FBXO22: variants seen among roughly 807,000 people sequenced by gnomAD.
FBXO22 encodes F-box only protein 22.
In FBXO22, 13 loss-of-function variants were observed where a neutral mutation model predicts 37.2. The ratio of observed to expected loss-of-function variants is 0.35; its 90% CI spans 0.23 to 0.56. FBXO22 has a LOEUF of 0.56. FBXO22 is among the 20% of genes least tolerant of loss of function. The probability of loss-of-function intolerance (pLI) is 0.87; values close to 1 mark genes in which losing one functional copy is unlikely to be tolerated. For synonymous variants in FBXO22, 189 were observed against 189.1 expected, an observed-to-expected ratio of 1.00 and a Z score of 0.00; for missense variants, 446 against 509.9, an observed-to-expected ratio of 0.87 and a Z score of 1.21.
In FBXO22 at chr15:75,940,937, A is replaced by T. The variant is rs1266281096; in HGVS notation, c.*7835A>T. 1 of 152,182 alleles carries T rather than the reference A, an allele frequency of 6.6e-6. No homozygotes were observed. The highest frequency in any genetic ancestry group is 1.9e-4 in the East Asian group (1 of 5,194). 9.4% of individuals were successfully genotyped at this position (152,182 alleles called of 1,614,324 possible). On this transcript the variant is annotated 3_prime_UTR_variant, in exon 7 of 7. Coordinates refer to ENST00000308275, the MANE Select transcript of FBXO22 (RefSeq NM_147188.3). ...ATTCACAGACAACGAAAGAAAAAATAGGCAAATTATACTTCATTAAAATTT... is the reference window on the plus strand; with the variant it reads ...ATTCACAGACAACGAAAGAAAAAATTGGCAAATTATACTTCATTAAAATTT...
rs1900422051 is a variant in FBXO22 at position 75,925,639 on chromosome 15, GC to G, written c.629-4242del. Among the ~76,000 whole-genome samples, 3 of 146,102 alleles carry G rather than the reference GC, an allele frequency of 2.1e-5. No homozygotes were observed. The South Asian group carries it at 7.0e-4, about 34-fold the overall frequency. On this transcript the variant is annotated intron_variant, in intron 5 of 6. Transcript: ENST00000308275. ...CTTGTTCTGCCTTCGAAGTTGCCCA[GC>G]CCTTGAGAAAGCAGAAGTGACAGGA...
At chr15:75,904,184 G>C in intron 1 of FBXO22, 81 bp downstream of exon 1, 1 of 1,440,988 alleles carries the variant, frequency 6.9e-7, no homozygotes. Flanking sequence ...TGGGGGGAGA[G>C]ACCCTTGGGA....
chr15:75,932,281 G>A lies in FBXO22; in HGVS notation c.795-404G>A, dbSNP rs182859526. 9.5e-4 allele frequency among the ~76,000 whole-genome samples: 137 copies of A among 144,458 alleles called. 3 individuals are homozygous for A. In the East Asian group the frequency reaches 0.023, roughly 24 times the overall value. 94.8% of individuals were successfully genotyped at this position (144,458 alleles called of 152,430 possible). A position where few individuals can be genotyped will look rare whatever the true frequency, so the allele number is the denominator to read the frequency against. ...CTTTCAGAATTTGACAGCTGAAGTC[G>A]GGGGGAAGAGATGTTAATGTAAACA... On this transcript the variant is annotated intron_variant, in intron 6 of 6. Transcript: ENST00000308275.
intron 5 of FBXO22, among the ~76,000 whole-genome samples, chr15:75,925,786 C>T (rs60817295): frequency 0.036 from 5,416 of 151,806 alleles, 166 homozygotes; most frequent in African/African-American, 0.081. Context: ...TCAGGCTCAA[C>T]TCCAAATGCA....
At position 75,903,903 on chromosome 15, in the gene FBXO22, T is replaced by C. The variant is rs775722788; in HGVS notation, c.-61T>C. The stretch of plus-strand genomic sequence containing the variant: ...AGTGCGCGCCGGCCGGGCAACCCTA[T>C]GCTGGCGTAATCGGGTTCCTCCGAG... On this transcript the variant is annotated 5_prime_UTR_variant, in exon 1 of 7. An upstream start codon of the reference 5' UTR is lost. Coordinates refer to ENST00000308275, the MANE Select transcript of FBXO22 (RefSeq NM_147188.3). 6.5e-5 allele frequency: 94 copies of C among 1,436,098 alleles called. No individual in the cohort carries two copies. The highest frequency in any genetic ancestry group is 8.4e-5 in the Non-Finnish European group (92 of 1,091,184). The allele number at this position is 1,436,098 out of a possible 1,614,324, so 89.0% of individuals were successfully genotyped here.
At chr15:75,907,547 G>A (rs2141701965) in intron 2 of FBXO22, among the ~76,000 whole-genome samples, 1 of 152,060 alleles carries the variant, frequency 6.6e-6, no homozygotes, top group African/African-American at 2.4e-5. Flanking sequence ...TTATCTAGTG[G>A]ACATGGGTAC....
rs976353359 is a variant in FBXO22, at chr15:75,922,286, G to A, written c.628+4892G>A. On this transcript the variant is annotated intron_variant, in intron 5 of 6. Transcript: ENST00000308275. Reference sequence around the variant, plus strand: ...ATATGCTTACTGTGCGTGTCACCACGCCTGGCTGTCCTTGACCAAAGTGTT... The same window carrying A: ...ATATGCTTACTGTGCGTGTCACCACACCTGGCTGTCCTTGACCAAAGTGTT... Among the ~76,000 whole-genome samples, 3 of 152,194 alleles carry A rather than the reference G, an allele frequency of 2.0e-5. 1 individual carries two copies. The highest frequency in any genetic ancestry group is 2.9e-5 in the Non-Finnish European group (2 of 68,036).
chr15:75,907,440 C>T (rs1899954502), intron 2 of FBXO22, among the ~76,000 whole-genome samples: 1 of 151,936 alleles, frequency 6.6e-6, no homozygotes. Flanking sequence ...ATAGTAATGC[C>T]CTTAGAGGAG....
rs1409984561 is a variant in FBXO22, at chr15:75,939,612, C to T, written c.*6510C>T. On this transcript the variant is annotated 3_prime_UTR_variant, in exon 7 of 7. Coordinates refer to ENST00000308275, the MANE Select transcript of FBXO22 (RefSeq NM_147188.3). ...AAGAAAAGATTACAGACCAGTTATT[C>T]CTTATGATCGCTGATTCAACAATTG... 3 of 152,116 alleles carry T rather than the reference C, an allele frequency of 2.0e-5. No homozygotes were observed. Among genetic ancestry groups the T allele is most frequent in the Admixed American group, 2.0e-4 (3 of 15,276 alleles). 9.4% of individuals were successfully genotyped at this position (152,116 alleles called of 1,614,324 possible). A position where few individuals can be genotyped will look rare whatever the true frequency, so the allele number is the denominator to read the frequency against.
intron 6 of FBXO22, 80 bp downstream of exon 6, chr15:75,930,129 T>G (rs1424131895): frequency 5.0e-6 from 8 of 1,600,072 alleles, no homozygotes; most frequent in Non-Finnish European, 6.8e-6. Flanking sequence ...GTTAACAATT[T>G]AAAAAACGTG....
At chr15:75,918,377 G>A (rs1357127308) in intron 5 of FBXO22, among the ~76,000 whole-genome samples, 1 of 151,782 alleles carries the variant, frequency 6.6e-6, no homozygotes, top group Non-Finnish European at 1.5e-5. Flanking sequence ...CACAGAACAA[G>A]AGGCATTAGC....
chr15:75,921,649 ACT>A (rs1900327051), intron 5 of FBXO22, among the ~76,000 whole-genome samples: 1 of 152,082 alleles, frequency 6.6e-6, no homozygotes, highest in South Asian at 2.1e-4. Flanking sequence ...CGACAGCGAG[ACT>A]CTATCTCAAA....
In FBXO22 at chr15:75,904,650, T is replaced by C. The variant is rs114362346; in HGVS notation, c.279+21T>C. On this transcript the variant is annotated intron_variant, in intron 2 of 6. Coordinates refer to ENST00000308275, the MANE Select transcript of FBXO22 (RefSeq NM_147188.3). Reference sequence around the variant, plus strand: ...TTGAGGCAAGTAGCAAGGGGTGTCATGCACAGTCATTTGCAGGTTGGTGGT... The same window carrying C: ...TTGAGGCAAGTAGCAAGGGGTGTCACGCACAGTCATTTGCAGGTTGGTGGT... 4,182 of 1,572,270 alleles carry C rather than the reference T, an allele frequency of 2.7e-3. 91 individuals are homozygous for C. In the African/African-American group the frequency reaches 0.048, roughly 18 times the overall value.
At chr15:75,910,566 C>T (rs905147035) in intron 2 of FBXO22, 1 of 152,196 alleles carries the variant, frequency 6.6e-6, no homozygotes, top group Non-Finnish European at 1.5e-5. Context: ...TAAATGTCTT[C>T]TTTTGAGAAG....
rs1157672014 is a variant in FBXO22, at chr15:75,934,692, T to C, written c.*1590T>C. On this transcript the variant is annotated 3_prime_UTR_variant, in exon 7 of 7. Transcript: ENST00000308275. ...TCAAAACTTTTCATCTATGAATATT[T>C]ATATTTAGCTCTTGCTATTTAGCTA... is the stretch of plus-strand genomic sequence containing the variant. 2 of 152,242 alleles carry C rather than the reference T, an allele frequency of 1.3e-5. No homozygotes were observed. Among genetic ancestry groups the C allele is most frequent in the Non-Finnish European group, 2.9e-5 (2 of 68,040 alleles). The allele number at this position is 152,242 out of a possible 1,614,324, so 9.4% of individuals were successfully genotyped here. A position where few individuals can be genotyped will look rare whatever the true frequency, so the allele number is the denominator to read the frequency against.
rs1454696454 is a variant in FBXO22, at chr15:75,937,254, A to AT, written c.*4152_*4153insT. 1 of 151,488 alleles carries AT rather than the reference A, an allele frequency of 6.6e-6. No homozygotes were observed. Among genetic ancestry groups the AT allele is most frequent in the Non-Finnish European group, 1.5e-5 (1 of 67,898 alleles). 9.4% of individuals were successfully genotyped at this position (151,488 alleles called of 1,614,324 possible). Reference sequence around the variant, plus strand: ...GCCGGGCGTGGTGGCTCACGCCTGTAATTCCAGCACTTTGGGAGGCCGAGA... The same window carrying AT: ...GCCGGGCGTGGTGGCTCACGCCTGTATATTCCAGCACTTTGGGAGGCCGAGA... On this transcript the variant is annotated 3_prime_UTR_variant, in exon 7 of 7. Coordinates refer to ENST00000308275, the MANE Select transcript of FBXO22 (RefSeq NM_147188.3).
In FBXO22 at chr15:75,942,451, CTA is replaced by C. The variant is rs2031094085; in HGVS notation, c.*9352_*9353del. 1 of 152,274 alleles carries C rather than the reference CTA, an allele frequency of 6.6e-6. No individual in the cohort carries two copies. The highest frequency in any genetic ancestry group is 2.4e-5 in the African/African-American group (1 of 41,552). The allele number at this position is 152,274 out of a possible 1,614,324, so 9.4% of individuals were successfully genotyped here. Reference sequence around the variant, plus strand: ...GGGTGGGGGGAAGCATAGGGGAACTCTATACTATCTGCTCAGTTTTTCTGAAA... The same window carrying C: ...GGGTGGGGGGAAGCATAGGGGAACTCTACTATCTGCTCAGTTTTTCTGAAA... On this transcript the variant is annotated 3_prime_UTR_variant, in exon 7 of 7. Coordinates refer to ENST00000308275, the MANE Select transcript of FBXO22 (RefSeq NM_147188.3).
At chr15:75,918,170 A>G (rs183717316) in intron 5 of FBXO22, among the ~76,000 whole-genome samples, 7 of 152,356 alleles carry the variant, frequency 4.6e-5, no homozygotes, top group African/African-American at 7.2e-5. Flanking sequence ...CAGCCAGCCT[A>G]TAGAGATAAA....
At chr15:75,926,329 T>C (rs2141720425) in intron 5 of FBXO22, among the ~76,000 whole-genome samples, 1 of 152,264 alleles carries the variant, frequency 6.6e-6, no homozygotes, top group South Asian at 2.1e-4. Context: ...GAATTTTGAG[T>C]GTCAAGGAGT....
Sources: allele counts gnomAD v4.1 joint callset (sites outside exome capture counted in the v4.1 genomes callset), GRCh38; gene constraint gnomAD v4.1.1; transcripts MANE v1.5; gene names NCBI Gene and HGNC (gene_info 2026-07-23, HGNC 2026-07-21).